The following PCSK5 variants were observed in gnomAD, a reference collection of about 807,000 sequenced individuals.
The protein encoded by PCSK5 is proprotein convertase subtilisin/kexin type 5, also known as prohormone convertase 5.
PCSK5 carries 129 observed loss-of-function variants against 233.2 expected under a neutral mutation model. That is an observed-to-expected ratio of 0.55 (90% CI 0.48 to 0.64). The LOEUF (loss-of-function observed/expected upper bound fraction) is 0.64, where lower values mean the gene tolerates loss of function less well. Among genes scored for constraint, PCSK5 ranks in the 30% least tolerant of loss-of-function variants. PCSK5 has a pLI of 0.00. For synonymous variants in PCSK5, 825 were observed against 879.2 expected (o/e 0.94, Z 1.09); for missense variants, 2,076 against 2,430.1 (o/e 0.85, Z 3.06).
chr9:76,082,072 C>T (rs1830863096), intron 7 of PCSK5, among the ~76,000 whole-genome samples: 1 of 151,922 alleles, frequency 6.6e-6, no homozygotes, highest in Non-Finnish European at 1.5e-5. Context: ...TTATGACTGA[C>T]AAGGAACATC....
chr9:76,059,001 A>C lies in PCSK5; in HGVS notation c.633-8954A>C, dbSNP rs187092060. Among the ~76,000 whole-genome samples the C allele has an allele frequency of 5.3e-3, 809 of 152,306 alleles. 5 individuals are homozygous for C. The highest frequency in any genetic ancestry group is 0.014 in the Middle Eastern group (4 of 294). ...CCCACTTCCCCACACAGACGAAAAA[A>C]AAGAAAGAAAAGAAATGTATAACAA... On this transcript the variant is annotated intron_variant, in intron 5 of 37. Transcript: ENST00000674117.
At chr9:76,018,365 C>T (rs954754720) in intron 3 of PCSK5, among the ~76,000 whole-genome samples, 2 of 152,316 alleles carry the variant, frequency 1.3e-5, no homozygotes, top group African/African-American at 4.8e-5. Context: ...GTATTGATCG[C>T]GGCCTGTTAG....
At chr9:75,926,773 A>G (rs1396084975) in intron 1 of PCSK5, among the ~76,000 whole-genome samples, 1 of 152,188 alleles carries the variant, frequency 6.6e-6, no homozygotes, top group Non-Finnish European at 1.5e-5. Flanking sequence ...ATTACTGGGT[A>G]TCATTCTATT....
intron 1 of PCSK5, among the ~76,000 whole-genome samples, chr9:75,903,020 T>G (rs532832275): frequency 3.9e-5 from 6 of 152,346 alleles, no homozygotes; most frequent in African/African-American, 1.4e-4. Flanking sequence ...TTAGGTTGAC[T>G]TTTAGCTTAG....
rs535588578 is a variant in PCSK5 at position 75,916,504 on chromosome 9, G to A, written c.193-15875G>A. On this transcript the variant is annotated intron_variant, in intron 1 of 37. Coordinates refer to ENST00000674117, the MANE Select transcript of PCSK5 (RefSeq NM_001372043.1). ...GACCAGATAGAAAGTAACTGGGGAA[G>A]GCAATTTAGCAGAGAGGTCAAAGAA... Among the ~76,000 whole-genome samples, 27 of 152,300 alleles carry A rather than the reference G, an allele frequency of 1.8e-4. No homozygotes were observed. In the South Asian group the frequency reaches 5.4e-3, roughly 30 times the overall value.
intron 5 of PCSK5, among the ~76,000 whole-genome samples, chr9:76,046,724 C>T (rs181444115): frequency 2.9e-4 from 44 of 150,638 alleles, no homozygotes; most frequent in Admixed American, 2.7e-3. Flanking sequence ...CTACTCCCGG[C>T]CAATTTTTTG....
chr9:76,037,800 A>G (rs1828924906), intron 5 of PCSK5, among the ~76,000 whole-genome samples: 3 of 152,148 alleles, frequency 2.0e-5, no homozygotes, highest in Admixed American at 2.0e-4. Flanking sequence ...TCTTGCCTAT[A>G]CAACACCTAA....
intron 22 of PCSK5, 123 bp from the exon 23 acceptor site, chr9:76,238,836 T>G (rs752093450): frequency 1.5e-5 from 10 of 678,464 alleles, no homozygotes; most frequent in Non-Finnish European, 2.6e-5. Context: ...CTTACACCCC[T>G]CATCCACTAG....
At chr9:76,141,799 A>G (rs1214640759) in intron 10 of PCSK5, among the ~76,000 whole-genome samples, 2 of 152,190 alleles carry the variant, frequency 1.3e-5, no homozygotes, top group African/African-American at 4.8e-5. Flanking sequence ...CATTCCCACC[A>G]TAAAACAGAA....
At chr9:76,217,221 T>C (rs1338905541) in intron 20 of PCSK5, among the ~76,000 whole-genome samples, 1 of 152,182 alleles carries the variant, frequency 6.6e-6, no homozygotes, top group African/African-American at 2.4e-5. Context: ...CTAGCAAAGT[T>C]TGGAGCAATT....
At chr9:76,143,914 A>C (rs1424137586) in intron 10 of PCSK5, among the ~76,000 whole-genome samples, 1 of 152,080 alleles carries the variant, frequency 6.6e-6, no homozygotes, top group Non-Finnish European at 1.5e-5. Flanking sequence ...GCTCACCATG[A>C]CTTCCGAAAA....
At chr9:76,345,910 C>G (rs1041344786) in intron 35 of PCSK5, among the ~76,000 whole-genome samples, 1 of 151,940 alleles carries the variant, frequency 6.6e-6, no homozygotes, top group African/African-American at 2.4e-5. Context: ...AGTAGAGACA[C>G]GGTTTCACCA....
intron 3 of PCSK5, among the ~76,000 whole-genome samples, chr9:76,017,647 A>T (rs942891876): frequency 6.6e-6 from 1 of 152,098 alleles, no homozygotes; most frequent in East Asian, 1.9e-4. Flanking sequence ...GTTGAAATGT[A>T]TTGGGCTTCC....
intron 24 of PCSK5, among the ~76,000 whole-genome samples, chr9:76,253,566 A>AT (rs1370299821): frequency 6.6e-6 from 1 of 152,082 alleles, no homozygotes; most frequent in Non-Finnish European, 1.5e-5. Context: ...TTCTTCATTG[A>AT]TTCATTTGGC....
chr9:75,930,547 C>G (rs778291525), intron 1 of PCSK5, among the ~76,000 whole-genome samples: 1 of 152,100 alleles, frequency 6.6e-6, no homozygotes, highest in African/African-American at 2.4e-5. Flanking sequence ...TAATTGTTGA[C>G]TGATACTATT....
At position 76,169,697 on chromosome 9, in the gene PCSK5, C is replaced by T. The variant is rs1389457228; in HGVS notation, c.1620-7C>T. 3.7e-6 allele frequency: 6 copies of T among 1,612,196 alleles called. No homozygotes were observed. Among genetic ancestry groups the T allele is most frequent in the Non-Finnish European group, 5.1e-6 (6 of 1,178,762 alleles). ...ATCGCACATAACAATGTTTTGTTCA[C>T]TTTCAGGCTATTTGATCACTCCATG... is the stretch of plus-strand genomic sequence containing the variant. On this transcript the variant is annotated splice_region_variant and splice_polypyrimidine_tract_variant and intron_variant, in intron 12 of 37. Coordinates refer to ENST00000674117, the MANE Select transcript of PCSK5 (RefSeq NM_001372043.1).
intron 9 of PCSK5, among the ~76,000 whole-genome samples, chr9:76,111,950 ATAAC>A (rs1011109877): frequency 6.6e-6 from 1 of 152,232 alleles, no homozygotes; most frequent in Non-Finnish European, 1.5e-5. Context: ...TAAAGTCAAA[ATAAC>A]TAACATTCAT....
At position 76,092,000 on chromosome 9, in the gene PCSK5, A is replaced by G. The variant is rs533903773; in HGVS notation, c.895-3890A>G. On this transcript the variant is annotated intron_variant, in intron 7 of 37. Coordinates refer to ENST00000674117, the MANE Select transcript of PCSK5 (RefSeq NM_001372043.1). Reference sequence around the variant, plus strand: ...GGACTCTCAACCCCGTGGATCCCCAAAGGACCCCTCAGCAATGCCATTGCT... The same window carrying G: ...GGACTCTCAACCCCGTGGATCCCCAGAGGACCCCTCAGCAATGCCATTGCT... Among the ~76,000 whole-genome samples, 4 of 152,178 alleles carry G rather than the reference A, an allele frequency of 2.6e-5. No individual in the cohort carries two copies. In the South Asian group the frequency reaches 6.2e-4, roughly 24 times the overall value.
intron 2 of PCSK5, among the ~76,000 whole-genome samples, chr9:75,957,504 G>GA (rs918633955): frequency 1.5e-4 from 22 of 150,056 alleles, no homozygotes; most frequent in East Asian, 3.9e-4. Flanking sequence ...TTGTCACTAA[G>GA]AAAAAAAAAA....
Sources: allele counts gnomAD v4.1 joint callset (sites outside exome capture counted in the v4.1 genomes callset), GRCh38; gene constraint gnomAD v4.1.1; transcripts MANE v1.5; gene names NCBI Gene and HGNC (gene_info 2026-07-23, HGNC 2026-07-21).